The following DDIT4 variants were observed in gnomAD, a reference collection of about 807,000 sequenced individuals.
DDIT4 encodes DNA damage-inducible transcript 4 protein.
In DDIT4, 20 loss-of-function variants were observed where a neutral mutation model predicts 20.2. That is an observed-to-expected ratio of 0.99 (90% CI 0.70 to 1.44). DDIT4 has a LOEUF of 1.44. DDIT4 is among the 40% of genes most tolerant of loss of function. The pLI, the probability that DDIT4 is intolerant of heterozygous loss-of-function variation, is 0.00. For synonymous variants in DDIT4, 152 were observed against 144.6 expected, an observed-to-expected ratio of 1.05 and a Z score of -0.37; for missense variants, 316 against 298.1, an observed-to-expected ratio of 1.06 and a Z score of -0.44.
rs1011820264 is a variant in DDIT4, at chr10:72,274,979, G to A, written c.490G>A (p.Ala164Thr). The A allele has an allele frequency of 6.2e-7, 1 of 1,613,150 alleles. No individual in the cohort carries two copies. The highest frequency in any genetic ancestry group is 1.1e-5 in the South Asian group (1 of 91,078). The stretch of plus-strand genomic sequence containing the variant: ...GAGCTGCCACAGCGTGGGCCAGCTG[G>A]CACTCGACCCCAGCCTGGTGCCCAC... ...GKSCHSVGQL[A>T]LDPSLVPTFQ... The change falls in exon 3 of 3, where the codon GCA becomes ACA. Residue 164 changes from alanine (A) to threonine (T), a missense_variant. Ala to Thr is a moderately conservative substitution (Grantham distance 58). Transcript: ENST00000307365.
At chr10:72,274,543 C>T in intron 2 of DDIT4, 122 bp downstream of exon 2, 1 of 1,406,858 alleles carries the variant, frequency 7.1e-7, no homozygotes, top group Non-Finnish European at 9.5e-7. Context: ...TGCTTGGGGG[C>T]AGGGGGAATT....
rs1860799530 is a variant in DDIT4, at chr10:72,274,291, C to A, written c.75C>A (p.Thr25=). The change falls in exon 2 of 3, where the codon ACC becomes ACA. Residue 25 remains threonine, a synonymous_variant. Transcript: ENST00000307365. ...CCTCGTCCTTGCCCCGAACTCCCACCCCAGATCGGCCGCCGCGCTCAGCCT... is the reference window on the plus strand; with the variant it reads ...CCTCGTCCTTGCCCCGAACTCCCACACCAGATCGGCCGCCGCGCTCAGCCT... ...SSPSSLPRTP[T]PDRPPRSAWG... 1 of 1,613,458 alleles carries A rather than the reference C, an allele frequency of 6.2e-7. No homozygotes were observed. The highest frequency in any genetic ancestry group is 8.5e-7 in the Non-Finnish European group (1 of 1,179,964).
In DDIT4 at chr10:72,275,267, C is replaced by A; in HGVS notation, c.*79C>A. Reference sequence around the variant, plus strand: ...TTGGGGTGGAGACTAGAGGCAGGAGCTGAGGGACTGATTCCTGTGGTTGGA... The same window carrying A: ...TTGGGGTGGAGACTAGAGGCAGGAGATGAGGGACTGATTCCTGTGGTTGGA... On this transcript the variant is annotated 3_prime_UTR_variant, in exon 3 of 3. Transcript: ENST00000307365. The A allele has an allele frequency of 2.0e-6, 3 of 1,464,648 alleles. No homozygotes were observed. Among genetic ancestry groups the A allele is most frequent in the Non-Finnish European group, 2.7e-6 (3 of 1,096,636 alleles). 90.7% of individuals were successfully genotyped at this position (1,464,648 alleles called of 1,614,324 possible).
rs971976681 is a variant in DDIT4, at chr10:72,276,022, ATGTT to A, written c.*839_*842del. 6.5e-6 allele frequency: 1 copy of A among 152,692 alleles called. No individual in the cohort carries two copies. The highest frequency in any genetic ancestry group is 2.4e-5 in the African/African-American group (1 of 41,462). 9.5% of individuals were successfully genotyped at this position (152,692 alleles called of 1,614,324 possible). A position where few individuals can be genotyped will look rare whatever the true frequency, so the allele number is the denominator to read the frequency against. On this transcript the variant is annotated 3_prime_UTR_variant, in exon 3 of 3. Coordinates refer to ENST00000307365, the MANE Select transcript of DDIT4 (RefSeq NM_019058.4). Reference sequence around the variant, plus strand: ...AATATTTTTTACTTTTCTAATAAACATGTTTGTTAAAACAGTTGGTTGAGTCTCT... The same window carrying A: ...AATATTTTTTACTTTTCTAATAAACATGTTAAAACAGTTGGTTGAGTCTCT...
rs776998169 is a variant in DDIT4, at chr10:72,274,385, C to G, written c.169C>G (p.Leu57Val). Reference protein sequence around the residue: ...TSLESSDCESLDSSNSGFGPE... With the variant: ...TSLESSDCESVDSSNSGFGPE... ...CCTGGAGAGCTCGGACTGCGAGTCC[C>G]TGGACAGCAGCAACAGTGGCTTCGG... The change falls in exon 2 of 3, where the codon CTG becomes GTG. Residue 57 changes from leucine (L) to valine (V), a missense_variant. Physicochemically the swap from Leu to Val is conservative, Grantham distance 32. Transcript: ENST00000307365. 2 of 1,598,712 alleles carry G rather than the reference C, an allele frequency of 1.3e-6. No homozygotes were observed. Among genetic ancestry groups the G allele is most frequent in the Admixed American group, 3.4e-5 (2 of 58,664 alleles).
chr10:72,274,347 A>G lies in DDIT4; in HGVS notation c.131A>G (p.Asp44Gly). The G allele has an allele frequency of 1.9e-6, 3 of 1,610,928 alleles. No homozygotes were observed. The highest frequency in any genetic ancestry group is 2.5e-6 in the Non-Finnish European group (3 of 1,179,770). Reference protein sequence around the residue: ...WGSATREEGFDRSTSLESSDC... With the variant: ...WGSATREEGFGRSTSLESSDC... ...TCGGCGACCCGGGAGGAGGGGTTTG[A>G]CCGCTCCACGAGCCTGGAGAGCTCG... Residue 44 changes from aspartate (D) to glycine (G), a missense_variant, in exon 2 of 3, where the codon GAC (aspartate) becomes GGC (glycine). By Grantham distance (94) the Asp-to-Gly change is moderately conservative. Transcript: ENST00000307365.
At chr10:72,274,582 G>A in intron 2 of DDIT4, 113 bp from the exon 3 acceptor site, 1 of 1,450,950 alleles carries the variant, frequency 6.9e-7, no homozygotes, top group Non-Finnish European at 9.2e-7. Flanking sequence ...GGCGGAAACT[G>A]AGGCACGGAG....
intron 2 of DDIT4, 58 bp downstream of exon 2, chr10:72,274,479 G>T (rs562300315): frequency 7.1e-5 from 106 of 1,485,100 alleles, no homozygotes; most frequent in Admixed American, 1.1e-4. Flanking sequence ...GGGAAGCCCC[G>T]GTGCTGGAAG....
Position 72,273,988 on chromosome 10 carries a change from G to GCCGCA in DDIT4, c.-133_-132insCCGCA. 5.3e-6 allele frequency: 3 copies of GCCGCA among 561,000 alleles called. No homozygotes were observed. The highest frequency in any genetic ancestry group is 2.1e-5 in the South Asian group (1 of 48,006). 34.8% of individuals were successfully genotyped at this position (561,000 alleles called of 1,614,324 possible). On this transcript the variant is annotated 5_prime_UTR_variant, in exon 1 of 3. Transcript: ENST00000307365. ...CGGGTCTGGGCGGCTCTCGGTGGTT[G>GCCGCA]GCACGGGTTCGCACACCCATTCAAG...
chr10:72,275,454 G>T lies in DDIT4; in HGVS notation c.*266G>T. On this transcript the variant is annotated 3_prime_UTR_variant, in exon 3 of 3. Transcript: ENST00000307365. ...ACAAGGCTTCCAGCTGGATGTGTGT[G>T]TAGCATGTACCTTATTATTTTTGTT... 2.1e-6 allele frequency: 1 copy of T among 472,744 alleles called. No individual in the cohort carries two copies. Among genetic ancestry groups the T allele is most frequent in the Non-Finnish European group, 3.8e-6 (1 of 262,400 alleles). The allele number at this position is 472,744 out of a possible 1,614,324, so 29.3% of individuals were successfully genotyped here.
In DDIT4 at chr10:72,274,159, G is replaced by A. The variant is rs1193012943; in HGVS notation, c.-58G>A. 1 of 1,390,316 alleles carries A rather than the reference G, an allele frequency of 7.2e-7. No homozygotes were observed. 86.1% of individuals were successfully genotyped at this position (1,390,316 alleles called of 1,614,324 possible). A position where few individuals can be genotyped will look rare whatever the true frequency, so the allele number is the denominator to read the frequency against. ...TCGGTCCCCCTCTTGTCTTACAGCGGCTTCTACGCTCCGGCACTCTGAGTT... is the reference window on the plus strand; with the variant it reads ...TCGGTCCCCCTCTTGTCTTACAGCGACTTCTACGCTCCGGCACTCTGAGTT... On this transcript the variant is annotated splice_region_variant and 5_prime_UTR_variant, in exon 2 of 3. Transcript: ENST00000307365.
chr10:72,275,188 A>T lies in DDIT4; in HGVS notation c.699A>T (p.Ter233CysextTer4). 6.2e-7 allele frequency: 1 copy of T among 1,606,164 alleles called. No homozygotes were observed. The highest frequency in any genetic ancestry group is 8.5e-7 in the Non-Finnish European group (1 of 1,178,312). The change falls in exon 3 of 3, where the codon TGA becomes TGT. Residue 233 changes from the stop codon to cysteine, a stop_lost. Coordinates refer to ENST00000307365, the MANE Select transcript of DDIT4 (RefSeq NM_019058.4). ...SSEQLLIEEC[*>C] is the part of the protein sequence containing the mutation. ...AACAGCTGCTCATTGAGGAGTGTTG[A>T]ACTTCAACCTGAGGGGGCCGACAGT... is the stretch of plus-strand genomic sequence containing the variant.
rs140545964 is a variant in DDIT4, at chr10:72,274,827, G to C, written c.338G>C (p.Arg113Pro). The C allele has an allele frequency of 3.7e-6, 6 of 1,613,580 alleles. No individual in the cohort carries two copies. Among genetic ancestry groups the C allele is most frequent in the Non-Finnish European group, 5.1e-6 (6 of 1,180,018 alleles). ...SLAQARLGSR[R>P]PARLLMPSQL... is the part of the protein sequence containing the mutation. Reference sequence around the variant, plus strand: ...GCCCAGGCGCGGCTGGGCTCTCGACGCCCTGCGCGCCTGCTGATGCCTAGC... The same window carrying C: ...GCCCAGGCGCGGCTGGGCTCTCGACCCCCTGCGCGCCTGCTGATGCCTAGC... Residue 113 changes from arginine (R) to proline (P), a missense_variant, in exon 3 of 3, where the codon CGC becomes CCC. Physicochemically the swap from Arg to Pro is moderately radical, Grantham distance 103 (BLOSUM62 -2). Coordinates refer to ENST00000307365, the MANE Select transcript of DDIT4 (RefSeq NM_019058.4).
In DDIT4 at chr10:72,274,284, C is replaced by G. The variant is rs746082333; in HGVS notation, c.68C>G (p.Thr23Ser). 6.2e-7 allele frequency: 1 copy of G among 1,613,524 alleles called. No individual in the cohort carries two copies. Among genetic ancestry groups the G allele is most frequent in the African/African-American group, 1.3e-5 (1 of 74,938 alleles). Reference protein sequence around the residue: ...TSSSPSSLPRTPTPDRPPRSA... With the variant: ...TSSSPSSLPRSPTPDRPPRSA... ...TCTTCGCCCTCGTCCTTGCCCCGAA[C>G]TCCCACCCCAGATCGGCCGCCGCGC... The change falls in exon 2 of 3, where the codon ACT (threonine) becomes AGT (serine). Residue 23 changes from threonine to serine, a missense_variant. Physicochemically the swap from Thr to Ser is moderately conservative, Grantham distance 58 (BLOSUM62 1). Transcript: ENST00000307365.
Position 72,274,141 on chromosome 10 carries a change from C to T in DDIT4, c.-60-16C>T, listed in dbSNP as rs55700783. On this transcript the variant is annotated splice_polypyrimidine_tract_variant and intron_variant, in intron 1 of 2. Coordinates refer to ENST00000307365, the MANE Select transcript of DDIT4 (RefSeq NM_019058.4). ...CCCCAGACTGACGCCTGGTCGGTCC[C>T]CCTCTTGTCTTACAGCGGCTTCTAC... 0.034 allele frequency: 40,778 copies of T among 1,208,108 alleles called. 897 individuals carry two copies. The highest frequency in any genetic ancestry group is 0.12 in the Middle Eastern group (631 of 5,282). The allele number at this position is 1,208,108 out of a possible 1,614,324, so 74.8% of individuals were successfully genotyped here. A position where few individuals can be genotyped will look rare whatever the true frequency, so the allele number is the denominator to read the frequency against.
In DDIT4 at chr10:72,274,404, G is replaced by C. The variant is rs1860801386; in HGVS notation, c.188G>C (p.Gly63Ala). ...GAGTCCCTGGACAGCAGCAACAGTG[G>C]CTTCGGGCCGGAGGAAGGTGAGCGG... ...DCESLDSSNSGFGPEEDTAYL... is the reference protein window; with the variant it reads ...DCESLDSSNSAFGPEEDTAYL... Residue 63 changes from glycine to alanine, a missense_variant, in exon 2 of 3, where the codon GGC (glycine) becomes GCC (alanine). Gly to Ala is a moderately conservative substitution (Grantham distance 60). Coordinates refer to ENST00000307365, the MANE Select transcript of DDIT4 (RefSeq NM_019058.4). 2 of 1,576,012 alleles carry C rather than the reference G, an allele frequency of 1.3e-6. No individual in the cohort carries two copies. Among genetic ancestry groups the C allele is most frequent in the Admixed American group, 1.8e-5 (1 of 55,858 alleles).
Position 72,274,240 on chromosome 10 carries a change from CTCG to C in DDIT4, c.33_35del (p.Ser12del), listed in dbSNP as rs1564804407. The C allele has an allele frequency of 1.2e-6, 2 of 1,613,800 alleles. No individual in the cohort carries two copies. The highest frequency in any genetic ancestry group is 1.7e-6 in the Non-Finnish European group (2 of 1,179,902). On this transcript the variant is annotated inframe_deletion, in exon 2 of 3. Coordinates refer to ENST00000307365, the MANE Select transcript of DDIT4 (RefSeq NM_019058.4). ...CCATGCCTAGCCTTTGGGACCGCTT[CTCG>C]TCGTCGTCCACCTCCTCTTCGCCCT...
rs115261240 is a variant in DDIT4, at chr10:72,274,014, C to G, written c.-107C>G. On this transcript the variant is annotated 5_prime_UTR_variant, in exon 1 of 3. Coordinates refer to ENST00000307365, the MANE Select transcript of DDIT4 (RefSeq NM_019058.4). Reference sequence around the variant, plus strand: ...GCACGGGTTCGCACACCCATTCAAGCGGCAGGACGCACTTGTCTTAGCAGT... The same window carrying G: ...GCACGGGTTCGCACACCCATTCAAGGGGCAGGACGCACTTGTCTTAGCAGT... The G allele has an allele frequency of 2.9e-3, 1,706 of 598,258 alleles. 20 individuals carry two copies. In the African/African-American group the frequency reaches 0.029, roughly 10 times the overall value. 37.1% of individuals were successfully genotyped at this position (598,258 alleles called of 1,614,324 possible).
At position 72,273,938 on chromosome 10, in the gene DDIT4, G is replaced by A. The variant is rs1268715879; in HGVS notation, c.-183G>A. On this transcript the variant is annotated 5_prime_UTR_variant, in exon 1 of 3. Coordinates refer to ENST00000307365, the MANE Select transcript of DDIT4 (RefSeq NM_019058.4). ...GGTGCTAGGGCGCAGCAGGCCAAGG[G>A]GGAGGTGCGAGCGTGGACCTGGGAC... 6 of 517,538 alleles carry A rather than the reference G, an allele frequency of 1.2e-5. No individual in the cohort carries two copies. The highest frequency in any genetic ancestry group is 4.2e-5 in the South Asian group (2 of 47,826). 32.1% of individuals were successfully genotyped at this position (517,538 alleles called of 1,614,324 possible).
Sources: allele counts gnomAD v4.1 joint callset, GRCh38; gene constraint gnomAD v4.1.1; transcripts MANE v1.5; gene names NCBI Gene and HGNC (gene_info 2026-07-23, HGNC 2026-07-21).